SHISA6: variants seen among roughly 807,000 people sequenced by gnomAD.
SHISA6 encodes the protein protein shisa-6.
In SHISA6, 22 loss-of-function variants were observed where a neutral mutation model predicts 47.9. That is an observed-to-expected ratio of 0.46 (90% confidence interval 0.33 to 0.66). SHISA6 has a LOEUF of 0.66. Ranked by LOEUF, SHISA6 falls within the 30% of genes least tolerant of loss-of-function variation. The pLI is 0.02. For missense variants in SHISA6, 680 were observed against 764.6 expected (o/e 0.89, Z 1.30); for synonymous variants, 388 against 337.8 (o/e 1.15, Z -1.63).
chr17:11,286,433 G>GC (rs1909303295), intron 2 of SHISA6, among the ~76,000 whole-genome samples: 1 of 152,094 alleles, frequency 6.6e-6, no homozygotes, highest in Admixed American at 6.5e-5. Context: ...CCTCTGGGAA[G>GC]CCCTCTGTGG....
intron 2 of SHISA6, among the ~76,000 whole-genome samples, chr17:11,305,308 A>G (rs1737980464): frequency 1.3e-5 from 2 of 152,198 alleles, no homozygotes; most frequent in Admixed American, 6.5e-5. Context: ...CCTTTTAACC[A>G]TGAAGTCATC....
intron 1 of SHISA6, among the ~76,000 whole-genome samples, chr17:11,260,380 C>A (rs150004847): frequency 7.2e-4 from 110 of 152,222 alleles, no homozygotes; most frequent in African/African-American, 2.3e-3. Flanking sequence ...CTCTTCACTT[C>A]AGATTCCTAA....
At chr17:11,296,382 A>C (rs2142173646) in intron 2 of SHISA6, among the ~76,000 whole-genome samples, 1 of 152,266 alleles carries the variant, frequency 6.6e-6, no homozygotes, top group Non-Finnish European at 1.5e-5. Flanking sequence ...GAGAATGGGA[A>C]GGCTACCAAA....
chr17:11,248,455 C>T (rs1027812592), intron 1 of SHISA6, among the ~76,000 whole-genome samples: 9 of 152,296 alleles, frequency 5.9e-5, no homozygotes, highest in African/African-American at 2.2e-4. Context: ...CGCCTGTGTT[C>T]TAGCGCTCAG....
rs1231245514 is a variant in SHISA6, at chr17:11,563,297, A to G, written c.*4993A>G. The G allele has an allele frequency of 1.3e-5, 2 of 152,192 alleles. No homozygotes were observed. The highest frequency in any genetic ancestry group is 3.9e-4 in the East Asian group (2 of 5,186). 9.4% of individuals were successfully genotyped at this position (152,192 alleles called of 1,614,324 possible). A position where few individuals can be genotyped will look rare whatever the true frequency, so the allele number is the denominator to read the frequency against. ...GTCTGGACACTGAGGCTCCATTCCA[A>G]CTGGAGGAGGAGGCATCTCCATCTG... On this transcript the variant is annotated 3_prime_UTR_variant, in exon 6 of 6. Transcript: ENST00000441885.
chr17:11,304,754 G>A (rs374252764), intron 2 of SHISA6, among the ~76,000 whole-genome samples: 4 of 152,186 alleles, frequency 2.6e-5, no homozygotes, highest in South Asian at 2.1e-4. Flanking sequence ...ACTTCAAGCC[G>A]GAGTGTAGGG....
At chr17:11,314,326 C>T (rs1342091194) in intron 2 of SHISA6, among the ~76,000 whole-genome samples, 1 of 151,724 alleles carries the variant, frequency 6.6e-6, no homozygotes, top group Non-Finnish European at 1.5e-5. Context: ...GAAGAGCTTC[C>T]CCTCTGCAAA....
At chr17:11,459,232 A>G (rs974972853) in intron 3 of SHISA6, among the ~76,000 whole-genome samples, 5 of 151,910 alleles carry the variant, frequency 3.3e-5, no homozygotes, top group Non-Finnish European at 7.4e-5. Context: ...AAAAAAAAAA[A>G]AAAAGACATT....
intron 3 of SHISA6, among the ~76,000 whole-genome samples, chr17:11,465,851 T>C (rs1462107397): frequency 6.6e-6 from 1 of 152,180 alleles, no homozygotes; most frequent in Non-Finnish European, 1.5e-5. Context: ...TCTCCAGGCC[T>C]ATCTCCCCGG....
At chr17:11,383,003 T>A (rs1913072292) in intron 3 of SHISA6, among the ~76,000 whole-genome samples, 1 of 147,458 alleles carries the variant, frequency 6.8e-6, no homozygotes, top group Non-Finnish European at 1.5e-5. Flanking sequence ...AGTGGCACGA[T>A]TGTGGCTCAC....
At chr17:11,351,078 G>A (rs370831288) in intron 2 of SHISA6, among the ~76,000 whole-genome samples, 58 of 152,230 alleles carry the variant, frequency 3.8e-4, no homozygotes, top group African/African-American at 1.4e-3. Context: ...ACTCATAAGT[G>A]GGAGTTGAAC....
chr17:11,395,516 T>C lies in SHISA6; in HGVS notation c.895+16007T>C, dbSNP rs1314806339. Among the ~76,000 whole-genome samples the C allele has an allele frequency of 2.7e-5, 4 of 146,540 alleles. No homozygotes were observed. The East Asian group carries it at 7.9e-4, about 29-fold the overall frequency. ...TATGCAAATACAGGCAGTTTTACTTTTTTTTTTTTTTTTTTTTTGAGACGG... is the reference window on the plus strand; with the variant it reads ...TATGCAAATACAGGCAGTTTTACTTCTTTTTTTTTTTTTTTTTTGAGACGG... On this transcript the variant is annotated intron_variant, in intron 3 of 5. Transcript: ENST00000441885.
chr17:11,539,358 A>T (rs1567633712), intron 3 of SHISA6, among the ~76,000 whole-genome samples: 1 of 152,242 alleles, frequency 6.6e-6, no homozygotes, highest in Non-Finnish European at 1.5e-5. Context: ...TGCTTTTGTT[A>T]TATCTGCCAT....
At chr17:11,441,443 C>T (rs1300075877) in intron 3 of SHISA6, among the ~76,000 whole-genome samples, 2 of 152,156 alleles carry the variant, frequency 1.3e-5, no homozygotes, top group Non-Finnish European at 2.9e-5. Flanking sequence ...TTGGAATGAG[C>T]CATCTCCATC....
chr17:11,242,088 G>C, intron 1 of SHISA6, 28 bp downstream of exon 1: 1 of 1,548,120 alleles, frequency 6.5e-7, no homozygotes, highest in Non-Finnish European at 8.7e-7. Flanking sequence ...CGCGCGCCCC[G>C]GTCTCCCCGC....
At chr17:11,268,710 C>G (rs1302037147) in intron 2 of SHISA6, among the ~76,000 whole-genome samples, 1 of 152,126 alleles carries the variant, frequency 6.6e-6, no homozygotes, top group Non-Finnish European at 1.5e-5. Flanking sequence ...AATTTAAGCC[C>G]CAGGTACACA....
chr17:11,413,396 C>T (rs190609085), intron 3 of SHISA6, among the ~76,000 whole-genome samples: 126 of 152,312 alleles, frequency 8.3e-4, no homozygotes, highest in African/African-American at 3.0e-3. Flanking sequence ...GACATTCAAG[C>T]TCAGAGGCCA....
intron 2 of SHISA6, among the ~76,000 whole-genome samples, chr17:11,370,403 T>C (rs773225497): frequency 6.6e-6 from 1 of 152,220 alleles, no homozygotes; most frequent in Non-Finnish European, 1.5e-5. Context: ...GAGACGTCCA[T>C]GGATCCCATA....
chr17:11,427,663 G>A (rs1914643943), intron 3 of SHISA6, among the ~76,000 whole-genome samples: 1 of 152,094 alleles, frequency 6.6e-6, no homozygotes, highest in Admixed American at 6.5e-5. Context: ...TGCCTCTCAT[G>A]GGCTGTGTTT....
Sources: allele counts gnomAD v4.1 joint callset (sites outside exome capture counted in the v4.1 genomes callset), GRCh38; gene constraint gnomAD v4.1.1; transcripts MANE v1.5; gene names NCBI Gene and HGNC (gene_info 2026-07-23, HGNC 2026-07-21).